UBAP2: variants seen among roughly 807,000 people sequenced by gnomAD.
UBAP2 encodes the protein ubiquitin associated protein 2.
In UBAP2, 75 loss-of-function variants were observed where a neutral mutation model predicts 139.6. The ratio of observed to expected loss-of-function variants is 0.54; its 90% CI spans 0.45 to 0.65. UBAP2 has a LOEUF of 0.65. Among genes scored for constraint, UBAP2 ranks in the 30% least tolerant of loss-of-function variants. UBAP2 has a pLI of 0.00. For synonymous variants in UBAP2, 526 were observed against 526.2 expected (o/e 1.00, Z 0.01); for missense variants, 1,368 against 1,369.6 (o/e 1.00, Z 0.02).
At position 34,040,674 on chromosome 9, in the gene UBAP2, T is replaced by C. The variant is rs543296377; in HGVS notation, c.-42+8151A>G. 3.1e-4 allele frequency among the ~76,000 whole-genome samples: 47 copies of C among 152,290 alleles called. No individual in the cohort carries two copies. The South Asian group carries it at 4.1e-3, about 13-fold the overall frequency. On this transcript the variant is annotated intron_variant, in intron 1 of 28. Coordinates refer to ENST00000379238, the MANE Select transcript of UBAP2 (RefSeq NM_001370062.2). ...ATATATCTAGAACATCCCACTACAA[T>C]TGGCTAAAACTAAAAAGGCAACATA...
intron 2 of UBAP2, among the ~76,000 whole-genome samples, chr9:34,005,224 C>T (rs1433501031): frequency 1.3e-4 from 19 of 149,150 alleles, no homozygotes; most frequent in Non-Finnish European, 2.2e-4. Flanking sequence ...GATCTCACCA[C>T]TGTACTCCAG....
chr9:33,929,254 C>T (rs567073372), intron 19 of UBAP2, among the ~76,000 whole-genome samples: 49 of 152,322 alleles, frequency 3.2e-4, no homozygotes, highest in African/African-American at 1.0e-3. Flanking sequence ...CATTCTCCAT[C>T]GCTAAGAGAT....
At chr9:33,935,090 C>T (rs1280182886) in intron 17 of UBAP2, among the ~76,000 whole-genome samples, 1 of 148,256 alleles carries the variant, frequency 6.7e-6, no homozygotes, top group Non-Finnish European at 1.5e-5. Flanking sequence ...GTCAAGCTGG[C>T]CAACTACAGA....
At chr9:34,024,080 T>C (rs1174171694) in intron 1 of UBAP2, among the ~76,000 whole-genome samples, 1 of 148,204 alleles carries the variant, frequency 6.7e-6, no homozygotes, top group African/African-American at 2.5e-5. Flanking sequence ...AATACAAGGA[T>C]GGGCGCGGTG....
At chr9:34,026,427 G>T (rs537971129) in intron 1 of UBAP2, among the ~76,000 whole-genome samples, 1 of 152,036 alleles carries the variant, frequency 6.6e-6, no homozygotes, top group African/African-American at 2.4e-5. Flanking sequence ...TGGGCTAAGG[G>T]TTCAACTACT....
chr9:33,988,993 C>A lies in UBAP2; in HGVS notation c.422G>T (p.Gly141Val). Residue 141 changes from glycine to valine, a missense_variant, in exon 5 of 29, where the codon GGC becomes GTC. Gly to Val is a moderately radical substitution (Grantham distance 109). Coordinates refer to ENST00000379238, the MANE Select transcript of UBAP2 (RefSeq NM_001370062.2). The part of the protein sequence containing the change: ...GRGNNNRKGR[G>V]GNRGREFRGE... ...CTTACATTCTCTGCCACGATTGCCG[C>A]CTCTTCCTTTCCGGTTGTTGTTTCC... The A allele has an allele frequency of 1.2e-6, 2 of 1,613,290 alleles. No individual in the cohort carries two copies. The highest frequency in any genetic ancestry group is 1.7e-6 in the Non-Finnish European group (2 of 1,179,730).
intron 1 of UBAP2, among the ~76,000 whole-genome samples, chr9:34,037,727 A>G (rs1355414994): frequency 6.6e-6 from 1 of 152,178 alleles, no homozygotes; most frequent in African/African-American, 2.4e-5. Context: ...ATCATCTGAG[A>G]AAAGGATTAT....
intron 1 of UBAP2, among the ~76,000 whole-genome samples, chr9:34,029,451 C>A (rs1825697160): frequency 6.6e-6 from 1 of 151,660 alleles, no homozygotes; most frequent in Non-Finnish European, 1.5e-5. Flanking sequence ...ATTGCTTGAA[C>A]CCAGGAGGCG....
intron 1 of UBAP2, among the ~76,000 whole-genome samples, chr9:34,022,198 T>C (rs771449473): frequency 4.0e-5 from 6 of 151,588 alleles, no homozygotes; most frequent in African/African-American, 7.3e-5. Flanking sequence ...TGAGCTGAGA[T>C]TGCACCACTG....
chr9:33,987,206 T>C (rs984308555), intron 5 of UBAP2, among the ~76,000 whole-genome samples: 6 of 150,318 alleles, frequency 4.0e-5, no homozygotes, highest in African/African-American at 9.8e-5. Flanking sequence ...AGGCCAGGAG[T>C]TCAAGACCAG....
chr9:33,946,556 T>C lies in UBAP2; in HGVS notation c.1270+1818A>G, dbSNP rs1031590618. Reference sequence around the variant, plus strand: ...CCCTCTTTTTCTCTATGGGGCCAGATAGTACAACAACCTAATATTTTAGCC... The same window carrying C: ...CCCTCTTTTTCTCTATGGGGCCAGACAGTACAACAACCTAATATTTTAGCC... On this transcript the variant is annotated intron_variant, in intron 13 of 28. Coordinates refer to ENST00000379238, the MANE Select transcript of UBAP2 (RefSeq NM_001370062.2). 3.1e-4 allele frequency among the ~76,000 whole-genome samples: 47 copies of C among 152,196 alleles called. 1 individual carries two copies. Among genetic ancestry groups the C allele is most frequent in the Admixed American group, 2.6e-3 (39 of 15,278 alleles).
intron 3 of UBAP2, chr9:33,998,324 G>A (rs1229224736): frequency 6.5e-6 from 1 of 154,264 alleles, no homozygotes; most frequent in African/African-American, 2.4e-5. Flanking sequence ...CGTGAGCCTA[G>A]GAGTTTGAGG....
At chr9:33,950,093 T>G (rs895083134) in intron 12 of UBAP2, among the ~76,000 whole-genome samples, 1 of 152,122 alleles carries the variant, frequency 6.6e-6, no homozygotes, top group African/African-American at 2.4e-5. Context: ...TTTGAGACAG[T>G]CTCGCTCTGT....
intron 7 of UBAP2, 139 bp from the exon 8 acceptor site, chr9:33,971,893 T>C: frequency 1.7e-6 from 1 of 573,872 alleles, no homozygotes; most frequent in Non-Finnish European, 3.1e-6. Context: ...CTCCTTCCCC[T>C]ATTTAAATAT....
At chr9:33,998,097 A>G (rs1432385056) in intron 3 of UBAP2, 3 of 152,240 alleles carry the variant, frequency 2.0e-5, no homozygotes, top group Non-Finnish European at 4.4e-5. Flanking sequence ...CAACAAGAGT[A>G]TGAAATCACA....
chr9:33,927,712 G>A, intron 20 of UBAP2, 85 bp downstream of exon 20: 1 of 1,439,076 alleles, frequency 6.9e-7, no homozygotes, highest in Non-Finnish European at 9.3e-7. Flanking sequence ...AGACTCTCCT[G>A]ACACCTGCAC....
chr9:33,931,856 C>T (rs1398628119), intron 19 of UBAP2, among the ~76,000 whole-genome samples: 1 of 152,168 alleles, frequency 6.6e-6, no homozygotes, highest in Non-Finnish European at 1.5e-5. Context: ...CGCCCAACAC[C>T]TCCTGTTGTC....
At position 33,944,507 on chromosome 9, in the gene UBAP2, G is replaced by A. The variant is rs1825502563; in HGVS notation, c.1403C>T (p.Ser468Leu). The A allele has an allele frequency of 6.2e-7, 1 of 1,614,018 alleles. No homozygotes were observed. The highest frequency in any genetic ancestry group is 1.7e-5 in the Admixed American group (1 of 59,988). ...AGTGGAGGGACTGTCTCCAGGTGTT[G>A]ATTCTCGAAGTTTTGCCTGGGAAGG... ...SFPSQAKLRE[S>L]TPGDSPSTVN... Residue 468 changes from serine to leucine, a missense_variant, in exon 14 of 29, where the codon TCA becomes TTA. Ser to Leu is a moderately radical substitution (Grantham distance 145, BLOSUM62 -2). Transcript: ENST00000379238.
chr9:33,998,869 A>C lies in UBAP2; in HGVS notation c.100-5T>G, dbSNP rs764607893. 1 of 1,608,994 alleles carries C rather than the reference A, an allele frequency of 6.2e-7. No homozygotes were observed. Among genetic ancestry groups the C allele is most frequent in the Non-Finnish European group, 8.5e-7 (1 of 1,179,292 alleles). On this transcript the variant is annotated splice_region_variant and splice_polypyrimidine_tract_variant and intron_variant, in intron 2 of 28. Transcript: ENST00000379238. The stretch of plus-strand genomic sequence containing the variant: ...ACGCATCTGTTCAGCTGTTGCCTGG[A>C]AAGTACATACAATTGTTAAGGATTT...
Sources: gnomAD v4.1 joint callset for allele counts (sites outside exome capture counted in the v4.1 genomes callset) on GRCh38, gnomAD v4.1.1 for gene constraint, MANE v1.5 for transcripts, NCBI Gene and HGNC (gene_info 2026-07-23, HGNC 2026-07-21) for gene names.